PIK3C2G: variants seen among roughly 807,000 people sequenced by gnomAD.
The protein encoded by PIK3C2G is phosphatidylinositol-4-phosphate 3-kinase catalytic subunit type 2 gamma.
Under a neutral mutation model 181.1 loss-of-function variants are expected in PIK3C2G, and 168 were observed. The observed-to-expected ratio is 0.93, with a 90% CI of 0.82 to 1.05. PIK3C2G has a LOEUF of 1.05. Ranked by LOEUF, PIK3C2G falls within the 50% of genes least tolerant of loss-of-function variation. The pLI, the probability that PIK3C2G is intolerant of heterozygous loss-of-function variation, is 0.00. For missense variants in PIK3C2G, 1,869 were observed against 1,732.8 expected, an observed-to-expected ratio of 1.08 and a Z score of -1.40; for synonymous variants, 573 against 592.2, an observed-to-expected ratio of 0.97 and a Z score of 0.47.
intron 24 of PIK3C2G, among the ~76,000 whole-genome samples, chr12:18,507,819 A>C (rs1289012271): frequency 6.6e-6 from 1 of 152,210 alleles, no homozygotes; most frequent in Non-Finnish European, 1.5e-5. Context: ...GGCAGACATA[A>C]AAAAGTAAAG....
chr12:18,538,242 T>G lies in PIK3C2G; in HGVS notation c.3410T>G (p.Val1137Gly), dbSNP rs1943963101. The G allele has an allele frequency of 6.2e-7, 1 of 1,612,506 alleles. No individual in the cohort carries two copies. Among genetic ancestry groups the G allele is most frequent in the East Asian group, 2.2e-5 (1 of 44,806 alleles). The change falls in exon 25 of 33, where the codon GTG (valine) becomes GGG (glycine). Residue 1137 changes from valine to glycine, a missense_variant. Val to Gly is a moderately radical substitution (Grantham distance 109, BLOSUM62 -3). Coordinates refer to ENST00000538779, the MANE Select transcript of PIK3C2G (RefSeq NM_001288772.2). ...AACCCACAGCATTTTCAAGATTTTG[T>G]GGAACTTTGCTGTCGTGCTTATAAT... ...GKNPQHFQDF[V>G]ELCCRAYNII...
the PIK3C2G span, among the ~76,000 whole-genome samples, chr12:18,663,047 G>A: frequency 6.6e-6 from 1 of 151,956 alleles, no homozygotes; most frequent in African/African-American, 2.4e-5. Flanking sequence ...ACTCTCTCCA[G>A]TCAAAAGACA....
chr12:18,546,468 T>A, intron 26 of PIK3C2G, 36 bp downstream of exon 26: 1 of 1,092,512 alleles, frequency 9.2e-7, no homozygotes. Flanking sequence ...CATGCATGCA[T>A]GAATGTACGC....
intron 31 of PIK3C2G, among the ~76,000 whole-genome samples, chr12:18,610,088 A>G (rs1382052714): frequency 6.6e-6 from 1 of 152,084 alleles, no homozygotes; most frequent in Non-Finnish European, 1.5e-5. Context: ...TCTCTATTAC[A>G]TGCCACTTAA....
intron 13 of PIK3C2G, among the ~76,000 whole-genome samples, chr12:18,380,351 T>C (rs1942754915): frequency 6.6e-6 from 1 of 152,140 alleles, no homozygotes; most frequent in South Asian, 2.1e-4. Flanking sequence ...CAGAAACATT[T>C]TCTCTAAATG....
chr12:18,717,950 C>T, the PIK3C2G span, among the ~76,000 whole-genome samples: 1 of 152,066 alleles, frequency 6.6e-6, no homozygotes, highest in South Asian at 2.1e-4. Flanking sequence ...CTCCGTCGCA[C>T]GATGTTGAGC....
intron 18 of PIK3C2G, among the ~76,000 whole-genome samples, chr12:18,438,754 T>C (rs1946577606): frequency 8.6e-5 from 13 of 151,834 alleles, no homozygotes; most frequent in Admixed American, 7.2e-4. Flanking sequence ...GAGAAAAACA[T>C]ACTTGAAGAA....
At chr12:18,378,143 C>T (rs1476625545) in intron 13 of PIK3C2G, among the ~76,000 whole-genome samples, 1 of 152,206 alleles carries the variant, frequency 6.6e-6, no homozygotes, top group Admixed American at 6.5e-5. Flanking sequence ...TAATTACCAT[C>T]AAATTCTTGA....
At chr12:18,474,995 G>T (rs966816654) in intron 18 of PIK3C2G, among the ~76,000 whole-genome samples, 1 of 151,998 alleles carries the variant, frequency 6.6e-6, no homozygotes, top group African/African-American at 2.4e-5. Context: ...TCTCATTAAG[G>T]CAAGGCTCTT....
rs1555149102 is a variant in PIK3C2G, at chr12:18,292,227, A to AATATATATATATAT, written c.919+1230_919+1243dup. ...CTCCATCTCAAAAAAAAAAAAAAAA[A>AATATATATATATAT]ATATATATATATATATATATATATA... On this transcript the variant is annotated intron_variant, in intron 4 of 32. Coordinates refer to ENST00000538779, the MANE Select transcript of PIK3C2G (RefSeq NM_001288772.2). Among the ~76,000 whole-genome samples, 195 of 48,578 alleles carry AATATATATATATAT rather than the reference A, an allele frequency of 4.0e-3. 5 individuals carry two copies. The highest frequency in any genetic ancestry group is 6.9e-3 in the African/African-American group (62 of 9,004). 31.9% of individuals were successfully genotyped at this position (48,578 alleles called of 152,430 possible). A position where few individuals can be genotyped will look rare whatever the true frequency, so the allele number is the denominator to read the frequency against.
At chr12:18,693,495 CA>C in the PIK3C2G span, 41 of 1,609,888 alleles carry the variant, frequency 2.5e-5, no homozygotes, top group African/African-American at 4.1e-4. Flanking sequence ...AAAGCAGTAG[CA>C]AACCAAACCT....
rs200521563 is a variant in PIK3C2G, at chr12:18,550,490, GA to G, written c.3590+4059del. 5.7e-3 allele frequency among the ~76,000 whole-genome samples: 863 copies of G among 151,830 alleles called. 4 individuals are homozygous for G. The highest frequency in any genetic ancestry group is 0.02 in the African/African-American group (823 of 41,416). ...TATCACATGGATTTTAAAACTTAGG[GA>G]GACTAAATGCAGACCTCGTTGCACA... On this transcript the variant is annotated intron_variant, in intron 26 of 32. Coordinates refer to ENST00000538779, the MANE Select transcript of PIK3C2G (RefSeq NM_001288772.2).
At chr12:18,496,453 A>G (rs1592409108) in intron 21 of PIK3C2G, among the ~76,000 whole-genome samples, 1 of 152,206 alleles carries the variant, frequency 6.6e-6, no homozygotes, top group East Asian at 1.9e-4. Flanking sequence ...GAATGTGAGG[A>G]AAGTTTTATT....
chr12:18,274,037 AAAC>A (rs1363002762), intron 1 of PIK3C2G, among the ~76,000 whole-genome samples: 1 of 152,216 alleles, frequency 6.6e-6, no homozygotes, highest in Non-Finnish European at 1.5e-5. Flanking sequence ...CACAGCCAAA[AAAC>A]ACATGAAAAA....
chr12:18,690,901 G>A, the PIK3C2G span, among the ~76,000 whole-genome samples: 2 of 152,238 alleles, frequency 1.3e-5, no homozygotes, highest in East Asian at 1.9e-4. Flanking sequence ...AGTAGGGCAA[G>A]GCCTGACTAA....
chr12:18,258,656 T>C (rs976431612), upstream of PIK3C2G, among the ~76,000 whole-genome samples: 1 of 151,656 alleles, frequency 6.6e-6, no homozygotes, highest in Non-Finnish European at 1.5e-5. Flanking sequence ...CTATTATATA[T>C]ATGTACTCAT....
chr12:18,532,692 CA>C (rs1271140549), intron 24 of PIK3C2G, among the ~76,000 whole-genome samples: 1 of 152,016 alleles, frequency 6.6e-6, no homozygotes, highest in Non-Finnish European at 1.5e-5. Flanking sequence ...ATTCTGCCAC[CA>C]ATACCAATTT....
In PIK3C2G at chr12:18,562,838, A is replaced by C; in HGVS notation, c.3726A>C (p.Thr1242=). Residue 1242 remains threonine, a synonymous_variant, in exon 27 of 33, where the codon ACA becomes ACC. Coordinates refer to ENST00000538779, the MANE Select transcript of PIK3C2G (RefSeq NM_001288772.2). The part of the protein sequence containing the change: ...TFPQESCLLS[T]TRSIERATIL... ...CTCAGGAATCCTGTTTGCTGAGTAC[A>C]ACTAGGTCGATTGAAAGAGCAACAA... The C allele has an allele frequency of 6.2e-7, 1 of 1,607,482 alleles. No homozygotes were observed. The highest frequency in any genetic ancestry group is 8.5e-7 in the Non-Finnish European group (1 of 1,176,470).
chr12:18,386,567 A>G (rs1943182491), intron 14 of PIK3C2G, among the ~76,000 whole-genome samples: 1 of 152,214 alleles, frequency 6.6e-6, no homozygotes, highest in South Asian at 2.1e-4. Flanking sequence ...AGCTTCTGTC[A>G]CTTAGCATAA....
Sources: gnomAD v4.1 joint callset for allele counts (sites outside exome capture counted in the v4.1 genomes callset) on GRCh38, gnomAD v4.1.1 for gene constraint, MANE v1.5 for transcripts, NCBI Gene and HGNC (gene_info 2026-07-23, HGNC 2026-07-21) for gene names.